SAMSN1: variants seen among roughly 807,000 people sequenced by gnomAD.
SAMSN1 encodes the protein SAM domain, SH3 domain and nuclear localization signals 1, also known as SAM domain-containing protein SAMSN-1.
Under a neutral mutation model 42.0 loss-of-function variants are expected in SAMSN1, and 31 were observed. The ratio of observed to expected loss-of-function variants is 0.74; its 90% CI spans 0.55 to 1.00. The LOEUF (loss-of-function observed/expected upper bound fraction) is 1.00, where lower values mean the gene tolerates loss of function less well. SAMSN1 is among the 50% of genes least tolerant of loss of function. SAMSN1 has a pLI of 0.00. For synonymous variants in SAMSN1, 178 were observed against 151.9 expected, an observed-to-expected ratio of 1.17 and a Z score of -1.26; for missense variants, 464 against 439.4, an observed-to-expected ratio of 1.06 and a Z score of -0.50.
chr21:14,627,615 C>G (rs1187856900), intron 2 of SAMSN1, among the ~76,000 whole-genome samples: 1 of 152,072 alleles, frequency 6.6e-6, no homozygotes, highest in Non-Finnish European at 1.5e-5. Flanking sequence ...GTCTGGAGGC[C>G]CATGGCCAAT....
intron 2 of SAMSN1, among the ~76,000 whole-genome samples, chr21:14,634,517 G>C (rs913933713): frequency 6.6e-6 from 1 of 152,204 alleles, no homozygotes; most frequent in Non-Finnish European, 1.5e-5. Context: ...GAGATGAACA[G>C]ATACTTCTCA....
chr21:14,569,796 C>T (rs916908200), intron 2 of SAMSN1, among the ~76,000 whole-genome samples: 3 of 152,058 alleles, frequency 2.0e-5, no homozygotes, highest in Admixed American at 1.3e-4. Flanking sequence ...TATATGGGAA[C>T]GATTTAATCT....
intron 1 of SAMSN1, among the ~76,000 whole-genome samples, chr21:14,648,486 T>C (rs1268514099): frequency 1.3e-5 from 2 of 152,064 alleles, no homozygotes; most frequent in African/African-American, 4.8e-5. Context: ...ACAGGCAACC[T>C]AAAAAATGGG....
chr21:14,601,953 C>T (rs890538753), intron 6 of SAMSN1: 4 of 575,274 alleles, frequency 7.0e-6, no homozygotes, highest in African/African-American at 5.6e-5. Context: ...TACACTATGC[C>T]TAATATATTA....
At chr21:14,542,128 G>A (rs1322123832) in intron 1 of SAMSN1, among the ~76,000 whole-genome samples, 2 of 152,202 alleles carry the variant, frequency 1.3e-5, no homozygotes, top group African/African-American at 4.8e-5. Flanking sequence ...GTCAGAGACA[G>A]GAATGACGAT....
chr21:14,595,177 C>T (rs1451505830), intron 6 of SAMSN1, among the ~76,000 whole-genome samples: 1 of 152,160 alleles, frequency 6.6e-6, no homozygotes, highest in Non-Finnish European at 1.5e-5. Context: ...GCCCCACCTA[C>T]AACACCAGGA....
intron 1 of SAMSN1, among the ~76,000 whole-genome samples, chr21:14,525,715 G>A (rs373164953): frequency 6.6e-6 from 1 of 152,076 alleles, no homozygotes; most frequent in South Asian, 2.1e-4. Flanking sequence ...ATCATTAGCT[G>A]GATGGTGGCT....
chr21:14,510,381 A>G lies in SAMSN1; in HGVS notation c.490T>C (p.Phe164Leu). 6.2e-7 allele frequency: 1 copy of G among 1,614,188 alleles called. No homozygotes were observed. Among genetic ancestry groups the G allele is most frequent in the South Asian group, 1.1e-5 (1 of 91,088 alleles). The change falls in exon 5 of 8, where the codon TTC becomes CTC. Residue 164 changes from phenylalanine to leucine, a missense_variant. Physicochemically the swap from Phe to Leu is conservative, Grantham distance 22. Transcript: ENST00000400566. ...LDDDGPYSGP[F>L]CGRARVHTDF... The stretch of plus-strand genomic sequence containing the variant: ...GTATGCACTCTGGCACGGCCACAGA[A>G]TGGTCCTGAATAGGGGCCATCGTCA...
chr21:14,501,577 T>G (rs78953363), intron 5 of SAMSN1, among the ~76,000 whole-genome samples: 3,860 of 152,234 alleles, frequency 0.025, 147 homozygotes, highest in African/African-American at 0.08. Context: ...GGGAAGGAGA[T>G]GAAAGAGAAG....
At chr21:14,557,427 T>C (rs1980797411) in intron 2 of SAMSN1, among the ~76,000 whole-genome samples, 1 of 152,178 alleles carries the variant, frequency 6.6e-6, no homozygotes, top group African/African-American at 2.4e-5. Context: ...CTGAGATTCC[T>C]AGGAATTCAC....
At chr21:14,544,339 A>G (rs1980248496) in intron 1 of SAMSN1, among the ~76,000 whole-genome samples, 2 of 152,176 alleles carry the variant, frequency 1.3e-5, no homozygotes, top group South Asian at 2.1e-4. Context: ...GTGTGAGCCC[A>G]TGCACCTGGA....
intron 2 of SAMSN1, among the ~76,000 whole-genome samples, chr21:14,557,360 A>C (rs888885304): frequency 1.3e-5 from 2 of 152,200 alleles, no homozygotes; most frequent in Non-Finnish European, 2.9e-5. Context: ...TGACACAGAG[A>C]GAGTCTTAAC....
intron 2 of SAMSN1, among the ~76,000 whole-genome samples, chr21:14,555,477 T>A (rs572881981): frequency 6.6e-6 from 1 of 152,312 alleles, no homozygotes; most frequent in East Asian, 1.9e-4. Flanking sequence ...ATGAAACATA[T>A]AGCAGGTATT....
chr21:14,599,451 G>A (rs1307643169), intron 6 of SAMSN1, among the ~76,000 whole-genome samples: 1 of 152,132 alleles, frequency 6.6e-6, no homozygotes, highest in Non-Finnish European at 1.5e-5. Context: ...CCCCAGCAAG[G>A]CAAAACTGTG....
chr21:14,640,169 A>G (rs575945188), intron 2 of SAMSN1, among the ~76,000 whole-genome samples: 1 of 152,336 alleles, frequency 6.6e-6, no homozygotes, highest in African/African-American at 2.4e-5. Flanking sequence ...ATTCCTAGTA[A>G]GTATGAATAA....
intron 5 of SAMSN1, among the ~76,000 whole-genome samples, chr21:14,608,968 A>T (rs887338616): frequency 6.6e-6 from 1 of 152,086 alleles, no homozygotes; most frequent in Non-Finnish European, 1.5e-5. Flanking sequence ...TTAATTATGA[A>T]ATTACATACT....
In SAMSN1 at chr21:14,607,471, T is replaced by C. The variant is rs189597702; in HGVS notation, c.322+2011A>G. On this transcript the variant is annotated intron_variant, in intron 5 of 15. Transcript: ENST00000647101. Reference sequence around the variant, plus strand: ...GCCATCAACTCTTCCTAGCATGGCATTAATTTCTAGGAAATGTCCAGTGAC... The same window carrying C: ...GCCATCAACTCTTCCTAGCATGGCACTAATTTCTAGGAAATGTCCAGTGAC... Among the ~76,000 whole-genome samples the C allele has an allele frequency of 2.4e-4, 36 of 152,336 alleles. 1 individual carries two copies.
chr21:14,601,186 T>A (rs142401667), intron 6 of SAMSN1, among the ~76,000 whole-genome samples: 3 of 152,306 alleles, frequency 2.0e-5, no homozygotes, highest in African/African-American at 4.8e-5. Context: ...CACTGGGAGA[T>A]ACTACAAGGG....
At chr21:14,627,445 G>C (rs1332752267) in intron 2 of SAMSN1, among the ~76,000 whole-genome samples, 1 of 152,126 alleles carries the variant, frequency 6.6e-6, no homozygotes, top group Admixed American at 6.6e-5. Context: ...GGACTCTCTT[G>C]TTCTCTGAAT....
Sources: gnomAD v4.1 joint callset for allele counts (sites outside exome capture counted in the v4.1 genomes callset) on GRCh38, gnomAD v4.1.1 for gene constraint, MANE v1.5 for transcripts, NCBI Gene and HGNC (gene_info 2026-07-23, HGNC 2026-07-21) for gene names.